The following ZNF805 variants were observed in gnomAD, a reference collection of about 807,000 sequenced individuals.
ZNF805 encodes zinc finger protein 805, also known as CTC-444N24.8.
A neutral mutation model predicts 13.6 loss-of-function variants in ZNF805; 7 were observed. The observed-to-expected ratio is 0.51, with a 90% CI of 0.29 to 0.97. The LOEUF is 0.97. ZNF805 is among the 50% of genes least tolerant of loss of function. The probability of loss-of-function intolerance (pLI) is 0.08; values close to 1 mark genes in which losing one functional copy is unlikely to be tolerated. For missense variants in ZNF805, 604 were observed against 771.0 expected (o/e 0.78, Z 2.57); for synonymous variants, 293 against 279.8 (o/e 1.05, Z -0.47).
rs2087678073 is a variant in ZNF805, at chr19:57,254,881, C to T, written c.*178C>T. Reference sequence around the variant, plus strand: ...ATTAGTTTACAGTGCAATGTTATCTCAGGAATTTTTATAAACAGAAAGAGG... The same window carrying T: ...ATTAGTTTACAGTGCAATGTTATCTTAGGAATTTTTATAAACAGAAAGAGG... On this transcript the variant is annotated 3_prime_UTR_variant, in exon 4 of 4. Coordinates refer to ENST00000414468, the MANE Select transcript of ZNF805 (RefSeq NM_001023563.4). 1 of 630,116 alleles carries T rather than the reference C, an allele frequency of 1.6e-6. No homozygotes were observed. Among genetic ancestry groups the T allele is most frequent in the Admixed American group, 3.4e-5 (1 of 29,146 alleles). 39.0% of individuals were successfully genotyped at this position (630,116 alleles called of 1,614,324 possible).
rs563106461 is a variant in ZNF805 at position 57,240,668 on chromosome 19, T to G, written c.-224T>G. On this transcript the variant is annotated 5_prime_UTR_variant, in exon 1 of 4. Coordinates refer to ENST00000414468, the MANE Select transcript of ZNF805 (RefSeq NM_001023563.4). ...CGCCGGCTCTAGGGAGGGGGCGGTG[T>G]TCCGTGGCCGCCTCCCTGGCGGCGC... is the stretch of plus-strand genomic sequence containing the variant. 364 of 513,438 alleles carry G rather than the reference T, an allele frequency of 7.1e-4. 1 individual carries two copies. The highest frequency in any genetic ancestry group is 6.8e-3 in the African/African-American group (343 of 50,418). 31.8% of individuals were successfully genotyped at this position (513,438 alleles called of 1,614,324 possible). A position where few individuals can be genotyped will look rare whatever the true frequency, so the allele number is the denominator to read the frequency against.
rs529510444 is a variant in ZNF805, at chr19:57,258,785, A to C, written c.*4082A>C. 6.6e-6 allele frequency among the ~76,000 whole-genome samples: 1 copy of C among 152,134 alleles called. No individual in the cohort carries two copies. The highest frequency in any genetic ancestry group is 2.1e-4 in the South Asian group (1 of 4,822). ...TGTTGATCTCTTTACCCATTCCACT[A>C]TTCTTTCTTGAAATTCTAAGCCACC... On this transcript the variant is annotated 3_prime_UTR_variant, in exon 4 of 4. Coordinates refer to ENST00000414468, the MANE Select transcript of ZNF805 (RefSeq NM_001023563.4).
chr19:57,240,774 TTGAC>T lies in ZNF805; in HGVS notation c.-115_-112del, dbSNP rs2087573899. 9.2e-6 allele frequency: 9 copies of T among 973,752 alleles called. No homozygotes were observed. The highest frequency in any genetic ancestry group is 2.9e-5 in the Admixed American group (1 of 34,572). 60.3% of individuals were successfully genotyped at this position (973,752 alleles called of 1,614,324 possible). ...GTGAGCCTCCCCGTAACGAGAGAGT[TTGAC>T]TGTCAGCCAAGGTCACCGGGCCCGG... On this transcript the variant is annotated 5_prime_UTR_variant, in exon 1 of 4. Coordinates refer to ENST00000414468, the MANE Select transcript of ZNF805 (RefSeq NM_001023563.4).
At chr19:57,241,955 G>A (rs973241772) in intron 1 of ZNF805, among the ~76,000 whole-genome samples, 1 of 152,220 alleles carries the variant, frequency 6.6e-6, no homozygotes, top group Non-Finnish European at 1.5e-5. Context: ...CACCTACTGA[G>A]TTGAGGTCTT....
Position 57,260,628 on chromosome 19 carries a change from C to T in ZNF805, c.*5925C>T, listed in dbSNP as rs760948230. 6.6e-6 allele frequency among the ~76,000 whole-genome samples: 1 copy of T among 152,180 alleles called. No homozygotes were observed. The highest frequency in any genetic ancestry group is 1.5e-5 in the Non-Finnish European group (1 of 68,038). ...AACAGCTTTACTTCCCAGCATCCAT[C>T]ATGATCATTGCTGTTTTCTAACTTG... On this transcript the variant is annotated 3_prime_UTR_variant, in exon 4 of 4. Coordinates refer to ENST00000414468, the MANE Select transcript of ZNF805 (RefSeq NM_001023563.4).
chr19:57,243,991 T>C lies in ZNF805; in HGVS notation c.99T>C (p.Ala33=), dbSNP rs1396939468. 5.6e-6 allele frequency: 9 copies of C among 1,614,134 alleles called. No individual in the cohort carries two copies. Among genetic ancestry groups the C allele is most frequent in the Non-Finnish European group, 6.8e-6 (8 of 1,180,020 alleles). The part of the protein sequence containing the change: ...TQEEWGQLDL[A]QRTLYQEVML... Reference sequence around the variant, plus strand: ...AGGAGTGGGGCCAGCTGGACCTAGCTCAGCGGACCCTGTACCAGGAGGTGA... The same window carrying C: ...AGGAGTGGGGCCAGCTGGACCTAGCCCAGCGGACCCTGTACCAGGAGGTGA... The change falls in exon 2 of 4, where the codon GCT becomes GCC. Residue 33 remains alanine, a synonymous_variant. Transcript: ENST00000414468.
At position 57,260,014 on chromosome 19, in the gene ZNF805, T is replaced by C. The variant is rs576463903; in HGVS notation, c.*5311T>C. Among the ~76,000 whole-genome samples the C allele has an allele frequency of 2.6e-5, 4 of 152,242 alleles. No homozygotes were observed. Among genetic ancestry groups the C allele is most frequent in the African/African-American group, 4.8e-5 (2 of 41,456 alleles). The stretch of plus-strand genomic sequence containing the variant: ...TAAATATTTCTGTCAACAGATCTTA[T>C]ATCAGGGTGATCTGCATATCATTCA... On this transcript the variant is annotated 3_prime_UTR_variant, in exon 4 of 4. Coordinates refer to ENST00000414468, the MANE Select transcript of ZNF805 (RefSeq NM_001023563.4).
At chr19:57,250,521 C>T (rs1039716389) in intron 3 of ZNF805, among the ~76,000 whole-genome samples, 3 of 151,936 alleles carry the variant, frequency 2.0e-5, no homozygotes, top group Non-Finnish European at 2.9e-5. Flanking sequence ...CGTGAGACAC[C>T]GGGCCCGGCC....
chr19:57,254,586 A>G lies in ZNF805; in HGVS notation c.1767A>G (p.Leu589=). The change falls in exon 4 of 4, where the codon TTA becomes TTG. Residue 589 remains leucine, a synonymous_variant. Coordinates refer to ENST00000414468, the MANE Select transcript of ZNF805 (RefSeq NM_001023563.4). ...GQTSVNIQEL[L]LGKNFLNVTT... ...CCTCAGTCAACATCCAAGAACTTTT[A>G]TTGGGGAAAAACTTTTTGAATGTCA... is the stretch of plus-strand genomic sequence containing the variant. The G allele has an allele frequency of 1.2e-6, 2 of 1,614,134 alleles. No individual in the cohort carries two copies. The highest frequency in any genetic ancestry group is 1.7e-6 in the Non-Finnish European group (2 of 1,179,998).
At position 57,243,262 on chromosome 19, in the gene ZNF805, G is replaced by C. The variant is rs554349371; in HGVS notation, c.31-661G>C. Among the ~76,000 whole-genome samples the C allele has an allele frequency of 2.0e-5, 3 of 152,252 alleles. No homozygotes were observed. The South Asian group carries it at 6.2e-4, about 32-fold the overall frequency. On this transcript the variant is annotated intron_variant, in intron 1 of 3. Transcript: ENST00000414468. Reference sequence around the variant, plus strand: ...ACAAAAGACTAGGAGAATCTGTGGAGCTCCCTTAGCCTCAGGTCAGTGACT... The same window carrying C: ...ACAAAAGACTAGGAGAATCTGTGGACCTCCCTTAGCCTCAGGTCAGTGACT...
chr19:57,242,660 G>A (rs1467250065), intron 1 of ZNF805, among the ~76,000 whole-genome samples: 2 of 152,202 alleles, frequency 1.3e-5, no homozygotes, highest in African/African-American at 4.8e-5. Flanking sequence ...TGGGGTCCAG[G>A]GGAGAGGATG....
Position 57,253,660 on chromosome 19 carries a change from C to G in ZNF805, c.841C>G (p.His281Asp). The change falls in exon 4 of 4, where the codon CAC (histidine) becomes GAC (aspartate). Residue 281 changes from histidine to aspartate, a missense_variant. Coordinates refer to ENST00000414468, the MANE Select transcript of ZNF805 (RefSeq NM_001023563.4). This position sits in a 1 kb window ranked among gnomAD's most constrained non-coding sequence, Gnocchi z 4.4. Reference protein sequence around the residue: ...KSHLTQHQRIHSGEKPYKCSE... With the variant: ...KSHLTQHQRIDSGEKPYKCSE... ...ACACCTTACCCAGCACCAGCGGATT[C>G]ACAGTGGAGAGAAGCCTTATAAGTG... 2 of 1,613,946 alleles carry G rather than the reference C, an allele frequency of 1.2e-6. No individual in the cohort carries two copies. The highest frequency in any genetic ancestry group is 3.3e-4 in the Middle Eastern group (2 of 6,062).
chr19:57,254,715 G>C lies in ZNF805; in HGVS notation c.*12G>C. On this transcript the variant is annotated 3_prime_UTR_variant, in exon 4 of 4. Transcript: ENST00000414468. ...TGTCTTCACTGTGAGAAAACCTTCT[G>C]TTGCCAAATGTCATTTGTCACCTAA... The C allele has an allele frequency of 6.3e-7, 1 of 1,592,138 alleles. No homozygotes were observed. The highest frequency in any genetic ancestry group is 8.6e-7 in the Non-Finnish European group (1 of 1,169,492).
At chr19:57,248,833 A>G in intron 3 of ZNF805, 133 bp downstream of exon 3, 1 of 837,110 alleles carries the variant, frequency 1.2e-6, no homozygotes, top group Admixed American at 2.3e-5. Context: ...GAGCCCTTTA[A>G]CCTGTGGTTT....
chr19:57,247,970 G>A (rs769901066), intron 2 of ZNF805, among the ~76,000 whole-genome samples: 1 of 152,214 alleles, frequency 6.6e-6, no homozygotes, highest in East Asian at 1.9e-4. Context: ...ACTCTGGGAG[G>A]CCTAGGCGGG....
At position 57,245,319 on chromosome 19, in the gene ZNF805, C is replaced by T. The variant is rs142250583; in HGVS notation, c.157+1270C>T. Among the ~76,000 whole-genome samples the T allele has an allele frequency of 2.4e-3, 360 of 152,290 alleles. 1 individual carries two copies. Among genetic ancestry groups the T allele is most frequent in the South Asian group, 7.0e-3 (34 of 4,828 alleles). On this transcript the variant is annotated intron_variant, in intron 2 of 3. Coordinates refer to ENST00000414468, the MANE Select transcript of ZNF805 (RefSeq NM_001023563.4). ...GCCCCTTCTCAGCACCACTTGCCTC[C>T]TCACCCAGCCCTTCCCTGACCACCG...
rs2087670944 is a variant in ZNF805, at chr19:57,254,148, C to T, written c.1329C>T (p.Ile443=). 1 of 1,613,802 alleles carries T rather than the reference C, an allele frequency of 6.2e-7. No homozygotes were observed. The highest frequency in any genetic ancestry group is 8.5e-7 in the Non-Finnish European group (1 of 1,179,970). The part of the protein sequence containing the change: ...GKAFTHCSTF[I]LHKRAHTGEK... ...CCTTCACCCACTGCTCTACTTTCAT[C>T]TTGCATAAAAGGGCCCACACTGGAG... is the stretch of plus-strand genomic sequence containing the variant. The change falls in exon 4 of 4, where the codon ATC becomes ATT. Residue 443 remains isoleucine, a synonymous_variant. Coordinates refer to ENST00000414468, the MANE Select transcript of ZNF805 (RefSeq NM_001023563.4).
intron 2 of ZNF805, 149 bp downstream of exon 2, chr19:57,244,198 CCT>C: frequency 4.7e-6 from 3 of 632,018 alleles, no homozygotes; most frequent in East Asian, 3.7e-5. Context: ...CTCACCTCTT[CCT>C]TTTTTTTTTT....
At chr19:57,248,512 G>A in intron 2 of ZNF805, 93 bp from the exon 3 acceptor site, 1 of 1,183,350 alleles carries the variant, frequency 8.5e-7, no homozygotes, top group Non-Finnish European at 1.2e-6. Flanking sequence ...TCATTCCAAG[G>A]TCTGGTCCCC....
Sources: gnomAD v4.1 joint callset for allele counts (sites outside exome capture counted in the v4.1 genomes callset) on GRCh38, gnomAD v4.1.1 for gene constraint, Gnocchi (gnomAD v3.1) non-coding constraint, MANE v1.5 for transcripts, NCBI Gene and HGNC (gene_info 2026-07-23, HGNC 2026-07-21) for gene names.